KIAA1328: variants seen among roughly 807,000 people sequenced by gnomAD.
The protein encoded by KIAA1328 is protein hinderin.
Under a neutral mutation model 68.1 loss-of-function variants are expected in KIAA1328, and 52 were observed. The observed-to-expected ratio is 0.76, with a 90% CI of 0.61 to 0.96. The LOEUF (loss-of-function observed/expected upper bound fraction) is 0.96. Ranked by LOEUF, KIAA1328 falls within the 40% of genes least tolerant of loss-of-function variation. The probability of loss-of-function intolerance (pLI) is 0.00; values close to 1 mark genes in which losing one functional copy is unlikely to be tolerated. For missense variants in KIAA1328, 641 were observed against 677.6 expected (o/e 0.95, Z 0.60); for synonymous variants, 232 against 239.4 (o/e 0.97, Z 0.28).
chr18:36,990,589 T>G (rs1015194388), intron 6 of KIAA1328, among the ~76,000 whole-genome samples: 1 of 151,948 alleles, frequency 6.6e-6, no homozygotes. Flanking sequence ...GAGAATTGCT[T>G]GAACCCAGGA....
intron 5 of KIAA1328, among the ~76,000 whole-genome samples, chr18:36,911,218 G>C (rs2049433567): frequency 6.6e-6 from 1 of 152,074 alleles, no homozygotes; most frequent in Non-Finnish European, 1.5e-5. Context: ...GTAAACTAAT[G>C]CCTAGGTTTA....
chr18:36,850,563 G>A (rs2047179683), intron 4 of KIAA1328, among the ~76,000 whole-genome samples: 1 of 151,804 alleles, frequency 6.6e-6, no homozygotes, highest in Admixed American at 6.6e-5. Flanking sequence ...GCACAGTAGG[G>A]GATTAACAAC....
intron 2 of KIAA1328, among the ~76,000 whole-genome samples, 179 bp from the exon 3 acceptor site, chr18:36,835,055 C>A (rs2046626409): frequency 6.6e-6 from 1 of 152,046 alleles, no homozygotes; most frequent in African/African-American, 2.4e-5. Flanking sequence ...TAGTGTATTT[C>A]TTTAAAACAT....
At position 37,098,815 on chromosome 18, in the gene KIAA1328, G is replaced by T. The variant is rs186276182; in HGVS notation, c.1232+31270G>T. 1.6e-3 allele frequency among the ~76,000 whole-genome samples: 242 copies of T among 152,258 alleles called. 1 individual carries two copies. Among genetic ancestry groups the T allele is most frequent in the Non-Finnish European group, 2.5e-3 (168 of 68,022 alleles). On this transcript the variant is annotated intron_variant, in intron 7 of 9. Transcript: ENST00000280020. ...GGTTTTGTCTTGGGAGGGTGTATGTGTCGAGGAATTTATCCATTTCTTGTA... is the reference window on the plus strand; with the variant it reads ...GGTTTTGTCTTGGGAGGGTGTATGTTTCGAGGAATTTATCCATTTCTTGTA...
Position 37,225,200 on chromosome 18 carries a change from A to G in KIAA1328, c.*2973A>G. 1 of 985,526 alleles carries G rather than the reference A, an allele frequency of 1.0e-6. No homozygotes were observed. The highest frequency in any genetic ancestry group is 1.2e-6 in the Non-Finnish European group (1 of 829,968). The allele number at this position is 985,526 out of a possible 1,614,324, so 61.0% of individuals were successfully genotyped here. A position where few individuals can be genotyped will look rare whatever the true frequency, so the allele number is the denominator to read the frequency against. ...GCAGAGCTGGACGAAGTCTGCTAAG[A>G]GAGATGGAGGCTGTGGCGGACTCCT... On this transcript the variant is annotated 3_prime_UTR_variant, in exon 10 of 10. Transcript: ENST00000280020.
At chr18:36,868,643 A>G (rs1004253729) in intron 4 of KIAA1328, among the ~76,000 whole-genome samples, 1 of 152,150 alleles carries the variant, frequency 6.6e-6, no homozygotes, top group Non-Finnish European at 1.5e-5. Context: ...GTTGGCCACA[A>G]TTGCAATTTT....
At chr18:37,227,059 G>A (rs574478542), downstream of KIAA1328, among the ~76,000 whole-genome samples, 6 of 152,144 alleles carry the variant, frequency 3.9e-5, no homozygotes, top group Non-Finnish European at 7.4e-5. Context: ...GAGCCACCGC[G>A]CCCAGGCCCA....
chr18:37,019,545 G>A (rs755952100), intron 6 of KIAA1328, among the ~76,000 whole-genome samples: 8 of 152,230 alleles, frequency 5.3e-5, no homozygotes, highest in Non-Finnish European at 8.8e-5. Flanking sequence ...TACGGGGATG[G>A]CCACCATGTG....
At chr18:37,180,351 T>C (rs563305566) in intron 9 of KIAA1328, among the ~76,000 whole-genome samples, 10 of 152,266 alleles carry the variant, frequency 6.6e-5, no homozygotes, top group Non-Finnish European at 1.0e-4. Flanking sequence ...AAAGAAGACA[T>C]GAATCGAGCT....
intron 7 of KIAA1328, among the ~76,000 whole-genome samples, chr18:37,125,110 A>G (rs938279284): frequency 6.6e-6 from 1 of 152,132 alleles, no homozygotes; most frequent in South Asian, 2.1e-4. Flanking sequence ...AGTGAATTGC[A>G]TGAGTCCAGG....
At chr18:36,867,409 C>T (rs1486374447) in intron 4 of KIAA1328, among the ~76,000 whole-genome samples, 1 of 152,210 alleles carries the variant, frequency 6.6e-6, no homozygotes. Context: ...TCTGTACAGC[C>T]TGCAGAACCA....
intron 9 of KIAA1328, among the ~76,000 whole-genome samples, chr18:37,220,448 A>G (rs1164489750): frequency 6.6e-6 from 1 of 152,222 alleles, no homozygotes; most frequent in Non-Finnish European, 1.5e-5. Context: ...ATCAAATGCA[A>G]CAATCTTTAA....
At chr18:36,926,406 TTTATTTATTTA>T (rs1256380819) in intron 5 of KIAA1328, among the ~76,000 whole-genome samples, 1 of 151,654 alleles carries the variant, frequency 6.6e-6, no homozygotes, top group East Asian at 1.9e-4. Flanking sequence ...TATTTATTTA[TTTATTTATTTA>T]TTTTTGGAAA....
At chr18:36,908,821 TTA>T (rs1315067654) in intron 5 of KIAA1328, among the ~76,000 whole-genome samples, 3 of 152,182 alleles carry the variant, frequency 2.0e-5, no homozygotes, top group Admixed American at 6.5e-5. Context: ...TTACAATAAA[TTA>T]TGTTAATTGA....
chr18:37,149,266 A>G (rs1329621431), intron 7 of KIAA1328, among the ~76,000 whole-genome samples: 2 of 152,168 alleles, frequency 1.3e-5, no homozygotes, highest in Admixed American at 6.5e-5. Flanking sequence ...CCACACATCT[A>G]CAACCACCTG....
chr18:36,955,304 T>G (rs924064572), intron 5 of KIAA1328, among the ~76,000 whole-genome samples: 2 of 140,340 alleles, frequency 1.4e-5, no homozygotes, highest in Non-Finnish European at 3.1e-5. Flanking sequence ...ATTTTCCTGG[T>G]TTTTCTTTTC....
intron 7 of KIAA1328, among the ~76,000 whole-genome samples, chr18:37,156,886 C>T (rs1034639093): frequency 1.1e-4 from 17 of 152,172 alleles, no homozygotes; most frequent in Admixed American, 2.0e-4. Context: ...GTTTAGAAAT[C>T]GTACTTGCAG....
chr18:36,831,243 A>G (rs1175654403), intron 1 of KIAA1328, among the ~76,000 whole-genome samples: 1 of 152,132 alleles, frequency 6.6e-6, no homozygotes, highest in Non-Finnish European at 1.5e-5. Context: ...TGATGGAGAG[A>G]TTTCTTAGTC....
At chr18:36,915,552 C>A (rs530311672) in intron 5 of KIAA1328, among the ~76,000 whole-genome samples, 2 of 152,052 alleles carry the variant, frequency 1.3e-5, no homozygotes, top group African/African-American at 2.4e-5. Flanking sequence ...CATAGTACGG[C>A]AATAAACACA....
Sources: gnomAD v4.1 joint callset for allele counts (sites outside exome capture counted in the v4.1 genomes callset) on GRCh38, gnomAD v4.1.1 for gene constraint, MANE v1.5 for transcripts, NCBI Gene and HGNC (gene_info 2026-07-23, HGNC 2026-07-21) for gene names.